Variants in ATRNL1 observed in about 807,000 individuals in gnomAD.
ATRNL1 encodes attractin-like protein 1.
In ATRNL1, 95 loss-of-function variants were observed where a neutral mutation model predicts 182.7. That is an observed-to-expected ratio of 0.52 (90% CI 0.44 to 0.62). The LOEUF (loss-of-function observed/expected upper bound fraction) is 0.62, where lower values mean the gene tolerates loss of function less well. ATRNL1 is among the 20% of genes least tolerant of loss of function. The probability of loss-of-function intolerance (pLI) is 0.00; values close to 1 mark genes in which losing one functional copy is unlikely to be tolerated. For synonymous variants in ATRNL1, 576 were observed against 568.3 expected (o/e 1.01, Z -0.19); for missense variants, 1,471 against 1,679.5 (o/e 0.88, Z 2.17).
intron 20 of ATRNL1, among the ~76,000 whole-genome samples, chr10:115,418,107 T>C (rs1374804221): frequency 6.6e-6 from 1 of 152,170 alleles, no homozygotes; most frequent in Non-Finnish European, 1.5e-5. Context: ...GATGGAGACA[T>C]GTGGTCTTTC....
intron 26 of ATRNL1, among the ~76,000 whole-genome samples, chr10:115,699,443 G>A (rs1235602976): frequency 6.6e-6 from 1 of 151,948 alleles, no homozygotes; most frequent in Non-Finnish European, 1.5e-5. Flanking sequence ...TTTTGCGTAA[G>A]GATAGGCAAT....
chr10:115,617,993 T>A (rs1555021392), intron 26 of ATRNL1, among the ~76,000 whole-genome samples: 3 of 152,142 alleles, frequency 2.0e-5, no homozygotes, highest in Non-Finnish European at 2.9e-5. Flanking sequence ...TCTCATGAGA[T>A]CTGGCCTTTT....
At chr10:115,753,128 G>C (rs1421090712) in intron 27 of ATRNL1, among the ~76,000 whole-genome samples, 1 of 151,958 alleles carries the variant, frequency 6.6e-6, no homozygotes, top group African/African-American at 2.4e-5. Context: ...TGGAAGATTT[G>C]ATGTTATTAA....
At chr10:115,801,839 T>C (rs1949800381) in intron 27 of ATRNL1, among the ~76,000 whole-genome samples, 1 of 152,090 alleles carries the variant, frequency 6.6e-6, no homozygotes, top group Non-Finnish European at 1.5e-5. Context: ...TAATTCAACT[T>C]TCACAGTTAG....
chr10:115,591,270 A>C (rs909841183), intron 26 of ATRNL1, among the ~76,000 whole-genome samples: 1 of 152,180 alleles, frequency 6.6e-6, no homozygotes, highest in Non-Finnish European at 1.5e-5. Flanking sequence ...CCACAAGATA[A>C]CATAGTATCA....
intron 2 of ATRNL1, among the ~76,000 whole-genome samples, chr10:115,121,083 A>G (rs1434848072): frequency 6.6e-6 from 1 of 152,116 alleles, no homozygotes; most frequent in Non-Finnish European, 1.5e-5. Flanking sequence ...TGATGTATAC[A>G]GTCTATGTAA....
intron 5 of ATRNL1, among the ~76,000 whole-genome samples, chr10:115,159,553 A>T (rs973516179): frequency 2.0e-5 from 3 of 151,518 alleles, no homozygotes; most frequent in Non-Finnish European, 4.4e-5. Context: ...ATGTTTGTTT[A>T]ATAGTTAATA....
At chr10:115,663,152 T>G (rs1860795601) in intron 26 of ATRNL1, among the ~76,000 whole-genome samples, 1 of 152,204 alleles carries the variant, frequency 6.6e-6, no homozygotes, top group East Asian at 1.9e-4. Context: ...ATTATATTAT[T>G]TAATTTATGC....
At chr10:115,497,140 G>A (rs141748001) in intron 24 of ATRNL1, among the ~76,000 whole-genome samples, 58 of 152,230 alleles carry the variant, frequency 3.8e-4, no homozygotes, top group African/African-American at 1.2e-3. Context: ...GTTCCTCAGC[G>A]TGGTCCATTC....
At position 115,200,627 on chromosome 10, in the gene ATRNL1, T is replaced by C. The variant is rs542176354; in HGVS notation, c.1349-15070T>C. Among the ~76,000 whole-genome samples the C allele has an allele frequency of 1.5e-3, 210 of 139,232 alleles. 2 individuals carry two copies. The highest frequency in any genetic ancestry group is 2.4e-3 in the Non-Finnish European group (157 of 64,282). The allele number at this position is 139,232 out of a possible 152,430, so 91.3% of individuals were successfully genotyped here. A position where few individuals can be genotyped will look rare whatever the true frequency, so the allele number is the denominator to read the frequency against. On this transcript the variant is annotated intron_variant, in intron 8 of 28. Coordinates refer to ENST00000355044, the MANE Select transcript of ATRNL1 (RefSeq NM_207303.4). ...CACATTTTCTTAATCCAGTCTATCA[T>C]TGTTGGACATTTGGGTTGGTTCCAA...
At chr10:115,564,351 A>G (rs1853943696) in intron 26 of ATRNL1, among the ~76,000 whole-genome samples, 1 of 152,020 alleles carries the variant, frequency 6.6e-6, no homozygotes, top group Non-Finnish European at 1.5e-5. Flanking sequence ...AAGGGCAGTC[A>G]ATCAAAGCTT....
intron 18 of ATRNL1, among the ~76,000 whole-genome samples, chr10:115,328,588 A>G (rs1272244515): frequency 1.3e-5 from 2 of 151,578 alleles, no homozygotes; most frequent in Non-Finnish European, 2.9e-5. Flanking sequence ...CCCTCCTCCT[A>G]TTCTCTCCAG....
intron 12 of ATRNL1, among the ~76,000 whole-genome samples, chr10:115,267,208 TGTATATATA>T (rs1461376396): frequency 6.6e-6 from 1 of 150,766 alleles, no homozygotes; most frequent in African/African-American, 2.4e-5. Context: ...TTTTGAAATC[TGTATATATA>T]GTATATATAT....
intron 10 of ATRNL1, among the ~76,000 whole-genome samples, chr10:115,254,066 T>C (rs1395177036): frequency 6.6e-6 from 1 of 152,224 alleles, no homozygotes; most frequent in Non-Finnish European, 1.5e-5. Flanking sequence ...TCCAAGCCTT[T>C]GCTATTGTGA....
intron 19 of ATRNL1, among the ~76,000 whole-genome samples, chr10:115,376,458 T>C (rs1857676547): frequency 6.6e-6 from 1 of 152,026 alleles, no homozygotes; most frequent in South Asian, 2.1e-4. Flanking sequence ...CCAGTTAATT[T>C]TTTTAGTTTT....
At chr10:115,312,732 A>T (rs1212358974) in intron 17 of ATRNL1, among the ~76,000 whole-genome samples, 1 of 152,144 alleles carries the variant, frequency 6.6e-6, no homozygotes. Flanking sequence ...CTTTTACCTC[A>T]GGAACACCAG....
chr10:115,097,980 G>A (rs1422487380), intron 1 of ATRNL1, among the ~76,000 whole-genome samples: 1 of 152,164 alleles, frequency 6.6e-6, no homozygotes, highest in Non-Finnish European at 1.5e-5. Context: ...ATATGCATAT[G>A]TAAATACATA....
At chr10:115,172,968 G>T (rs2144104764) in intron 8 of ATRNL1, among the ~76,000 whole-genome samples, 1 of 151,708 alleles carries the variant, frequency 6.6e-6, no homozygotes, top group Non-Finnish European at 1.5e-5. Flanking sequence ...AGCTCTCCTG[G>T]ATGACTATTT....
intron 5 of ATRNL1, among the ~76,000 whole-genome samples, chr10:115,136,562 T>C (rs1318560527): frequency 6.6e-6 from 1 of 152,320 alleles, no homozygotes; most frequent in East Asian, 1.9e-4. Flanking sequence ...CAGAATAGTT[T>C]TTTTAACCTA....
Sources: gnomAD v4.1 joint callset for allele counts (sites outside exome capture counted in the v4.1 genomes callset) on GRCh38, gnomAD v4.1.1 for gene constraint, MANE v1.5 for transcripts, NCBI Gene and HGNC (gene_info 2026-07-23, HGNC 2026-07-21) for gene names.